Variants in ATG10 observed in about 807,000 individuals in gnomAD.
ATG10 encodes the protein autophagy related 10, also known as ubiquitin-like-conjugating enzyme ATG10.
ATG10 carries 30 observed loss-of-function variants against 32.1 expected under a neutral mutation model. That is an observed-to-expected ratio of 0.94 (90% CI 0.70 to 1.27). ATG10 has a LOEUF of 1.27. ATG10 is among the 50% of genes most tolerant of loss of function. The pLI is 0.00. For synonymous variants in ATG10, 87 were observed against 91.5 expected (o/e 0.95, Z 0.28); for missense variants, 233 against 262.3 (o/e 0.89, Z 0.77).
intron 3 of ATG10, among the ~76,000 whole-genome samples, chr5:82,152,746 A>G (rs1464060102): frequency 6.6e-6 from 1 of 152,200 alleles, no homozygotes; most frequent in Non-Finnish European, 1.5e-5. Context: ...ATTTTATAAT[A>G]TACAAAATAT....
At chr5:82,130,186 C>T (rs1266644390) in intron 3 of ATG10, among the ~76,000 whole-genome samples, 1 of 152,152 alleles carries the variant, frequency 6.6e-6, no homozygotes, top group Non-Finnish European at 1.5e-5. Flanking sequence ...TGGCAGATGC[C>T]CCTGTCCCCA....
rs190913008 is a variant in ATG10, at chr5:82,209,207, G to T, written c.453+30620G>T. Among the ~76,000 whole-genome samples, 12 of 152,126 alleles carry T rather than the reference G, an allele frequency of 7.9e-5. No homozygotes were observed. The East Asian group carries it at 2.3e-3, about 29-fold the overall frequency. ...AGATATTAATCTGACTTATTTGAAGGTCGTCTTTTTTAAAAAAATTTTTCC... is the reference window on the plus strand; with the variant it reads ...AGATATTAATCTGACTTATTTGAAGTTCGTCTTTTTTAAAAAAATTTTTCC... On this transcript the variant is annotated intron_variant, in intron 5 of 7. Transcript: ENST00000282185.
At chr5:82,168,180 T>C (rs989671989) in intron 4 of ATG10, among the ~76,000 whole-genome samples, 2 of 152,186 alleles carry the variant, frequency 1.3e-5, no homozygotes, top group African/African-American at 2.4e-5. Context: ...CCCTGACCTT[T>C]TTATGTCTCA....
chr5:82,218,091 C>CG (rs1383359833), intron 5 of ATG10, among the ~76,000 whole-genome samples: 1 of 96,910 alleles, frequency 1.0e-5, no homozygotes, highest in Non-Finnish European at 2.2e-5. Context: ...ACACACATCA[C>CG]ACGTACAGGA....
At chr5:81,983,234 G>C (rs1398948172) in intron 1 of ATG10, among the ~76,000 whole-genome samples, 2 of 107,968 alleles carry the variant, frequency 1.9e-5, no homozygotes, top group Admixed American at 8.7e-5. Flanking sequence ...GCTGGGGGCT[G>C]ACCCCCCCCC....
intron 3 of ATG10, among the ~76,000 whole-genome samples, chr5:82,097,812 G>T (rs879745709): frequency 5.3e-5 from 8 of 152,196 alleles, no homozygotes; most frequent in Admixed American, 5.2e-4. Context: ...CAAAAGCAAT[G>T]TGTCTGAAAG....
intron 2 of ATG10, among the ~76,000 whole-genome samples, chr5:82,020,498 T>G (rs1002702907): frequency 3.3e-5 from 5 of 152,222 alleles, no homozygotes; most frequent in African/African-American, 1.2e-4. Context: ...ACGTAGTGAC[T>G]TAAAACAACC....
intron 1 of ATG10, among the ~76,000 whole-genome samples, chr5:81,981,935 T>C (rs1160330308): frequency 4.6e-5 from 7 of 152,228 alleles, no homozygotes; most frequent in Non-Finnish European, 8.8e-5. Context: ...TGGAAAGATA[T>C]ATTTGAACAG....
intron 2 of ATG10, among the ~76,000 whole-genome samples, chr5:82,050,957 G>A (rs1317129098): frequency 6.6e-6 from 1 of 151,648 alleles, no homozygotes; most frequent in East Asian, 1.9e-4. Context: ...GCTGCAATGA[G>A]CTGTGATCAT....
intron 2 of ATG10, among the ~76,000 whole-genome samples, chr5:82,032,666 A>G (rs1685971708): frequency 6.6e-6 from 1 of 151,350 alleles, no homozygotes; most frequent in Non-Finnish European, 1.5e-5. Context: ...CCAATCTCAA[A>G]CTCCTCCTCA....
At chr5:82,161,391 C>G (rs1005588416) in intron 3 of ATG10, among the ~76,000 whole-genome samples, 1 of 151,996 alleles carries the variant, frequency 6.6e-6, no homozygotes, top group African/African-American at 2.4e-5. Flanking sequence ...TTGTTCTGTC[C>G]CCTCCCTCTT....
rs769828810 is a variant in ATG10 at position 82,146,613 on chromosome 5, G to GT, written c.217-17774dup. On this transcript the variant is annotated intron_variant, in intron 3 of 7. Coordinates refer to ENST00000282185, the MANE Select transcript of ATG10 (RefSeq NM_031482.5). ...CCAAATACTTTGTTCATTTTCTTTT[G>GT]TTTTTTTTTTTTCTTATCTTCAGAT... 2.0e-3 allele frequency among the ~76,000 whole-genome samples: 267 copies of GT among 135,944 alleles called. 1 individual carries two copies. Among genetic ancestry groups the GT allele is most frequent in the East Asian group, 3.9e-3 (18 of 4,652 alleles). The allele number at this position is 135,944 out of a possible 152,430, so 89.2% of individuals were successfully genotyped here. A position where few individuals can be genotyped will look rare whatever the true frequency, so the allele number is the denominator to read the frequency against.
chr5:82,162,087 A>G (rs1342026610), intron 3 of ATG10, among the ~76,000 whole-genome samples: 3 of 152,152 alleles, frequency 2.0e-5, no homozygotes, highest in Non-Finnish European at 4.4e-5. Flanking sequence ...GTATATATGT[A>G]TATATTTCAC....
At chr5:82,128,997 A>G (rs980916293) in intron 3 of ATG10, among the ~76,000 whole-genome samples, 20 of 151,820 alleles carry the variant, frequency 1.3e-4, no homozygotes, top group African/African-American at 4.8e-4. Flanking sequence ...AAGTACACCA[A>G]TCCAATGTAG....
In ATG10 at chr5:81,992,694, G is replaced by A. The variant is rs577718267; in HGVS notation, c.108+5016G>A. The stretch of plus-strand genomic sequence containing the variant: ...GCCGGGATTACAGGTGTGAGCCACC[G>A]AGCCTGGCCCATTTTATTTTTTTTG... On this transcript the variant is annotated intron_variant, in intron 2 of 7. Transcript: ENST00000282185. Among the ~76,000 whole-genome samples, 4 of 152,234 alleles carry A rather than the reference G, an allele frequency of 2.6e-5. No individual in the cohort carries two copies. The East Asian group carries it at 7.7e-4, about 29-fold the overall frequency.
At chr5:81,973,049 C>T (rs1052358095) in intron 1 of ATG10, 2 of 152,054 alleles carry the variant, frequency 1.3e-5, no homozygotes, top group African/African-American at 4.8e-5. Flanking sequence ...AATGGAGATG[C>T]AAATTATTTC....
intron 2 of ATG10, among the ~76,000 whole-genome samples, chr5:82,036,906 G>A (rs1762940602): frequency 6.6e-6 from 1 of 151,720 alleles, no homozygotes; most frequent in South Asian, 2.1e-4. Context: ...GCAGAGGCCG[G>A]CACATCACAC....
chr5:82,135,658 A>G (rs111423801), intron 3 of ATG10, among the ~76,000 whole-genome samples: 12,724 of 152,180 alleles, frequency 0.084, 797 homozygotes, highest in African/African-American at 0.18. Context: ...CGATTTTAGG[A>G]TAAGTGCTAT....
At chr5:81,998,140 AG>A (rs1332286966) in intron 2 of ATG10, among the ~76,000 whole-genome samples, 4 of 152,212 alleles carry the variant, frequency 2.6e-5, no homozygotes, top group African/African-American at 9.6e-5. Context: ...GCTAGAGAGA[AG>A]GGGCAGATCA....
Sources: allele counts gnomAD v4.1 joint callset (sites outside exome capture counted in the v4.1 genomes callset), GRCh38; gene constraint gnomAD v4.1.1; transcripts MANE v1.5; gene names NCBI Gene and HGNC (gene_info 2026-07-23, HGNC 2026-07-21).